Variants in DAGLB observed in about 807,000 individuals in gnomAD.
The protein encoded by DAGLB is diacylglycerol lipase-beta.
A neutral mutation model predicts 72.1 loss-of-function variants in DAGLB; 66 were observed. The ratio of observed to expected loss-of-function variants is 0.92; its 90% CI spans 0.75 to 1.12. DAGLB has a LOEUF of 1.12. Ranked by LOEUF, DAGLB falls within the 50% of genes most tolerant of loss-of-function variation. DAGLB has a pLI of 0.00. For synonymous variants in DAGLB, 414 were observed against 359.5 expected, an observed-to-expected ratio of 1.15 and a Z score of -1.71; for missense variants, 1,065 against 884.9, an observed-to-expected ratio of 1.20 and a Z score of -2.58.
At chr7:6,411,095 A>G (rs1583277567) in intron 13 of DAGLB, among the ~76,000 whole-genome samples, 1 of 151,762 alleles carries the variant, frequency 6.6e-6, no homozygotes, top group South Asian at 2.1e-4. Context: ...CGTGGTCTCT[A>G]TCTCCTGACC....
At chr7:6,423,060 T>C (rs1784183313) in intron 8 of DAGLB, among the ~76,000 whole-genome samples, 3 of 152,146 alleles carry the variant, frequency 2.0e-5, no homozygotes, top group African/African-American at 7.2e-5. Flanking sequence ...AAGACCAGCC[T>C]GGGCAACATA....
intron 6 of DAGLB, among the ~76,000 whole-genome samples, chr7:6,428,729 A>G (rs1304037818): frequency 6.6e-6 from 1 of 152,122 alleles, no homozygotes; most frequent in African/African-American, 2.4e-5. Flanking sequence ...TCAGGTGATC[A>G]GCCCGCCTTG....
intron 13 of DAGLB, among the ~76,000 whole-genome samples, chr7:6,411,917 G>A (rs1420179166): frequency 1.3e-5 from 2 of 151,262 alleles, no homozygotes; most frequent in East Asian, 1.9e-4. Flanking sequence ...TATCTTTATC[G>A]GCAGACAGAA....
At chr7:6,432,267 A>AC (rs1342089001) in intron 5 of DAGLB, among the ~76,000 whole-genome samples, 3 of 147,792 alleles carry the variant, frequency 2.0e-5, no homozygotes, top group African/African-American at 7.5e-5. Flanking sequence ...CAGGAGAATC[A>AC]CCCGGGAGGT....
At chr7:6,426,420 C>A (rs929495163) in intron 6 of DAGLB, among the ~76,000 whole-genome samples, 7 of 152,226 alleles carry the variant, frequency 4.6e-5, no homozygotes, top group African/African-American at 1.7e-4. Context: ...CATGCGTGCA[C>A]CTCCATGCCC....
chr7:6,432,307 G>T (rs1184286374), intron 5 of DAGLB, among the ~76,000 whole-genome samples: 1 of 151,398 alleles, frequency 6.6e-6, no homozygotes, highest in African/African-American at 2.4e-5. Flanking sequence ...TTGTGTCATT[G>T]CACTCCAGCC....
Position 6,410,334 on chromosome 7 carries a change from T to C in DAGLB, c.1616A>G (p.Asn539Ser). ...HGLWYELFGGNPNNLPTELDG... is the reference protein window; with the variant it reads ...HGLWYELFGGSPNNLPTELDG... Reference sequence around the variant, plus strand: ...CAGCTCCGTGGGCAAGTTGTTGGGGTTTCCTCCAAACAGTTCGTACCACAA... The same window carrying C: ...CAGCTCCGTGGGCAAGTTGTTGGGGCTTCCTCCAAACAGTTCGTACCACAA... Residue 539 changes from asparagine (N) to serine (S), a missense_variant, in exon 14 of 15, where the codon AAC becomes AGC. Coordinates refer to ENST00000297056, the MANE Select transcript of DAGLB (RefSeq NM_139179.4). The C allele has an allele frequency of 1.9e-6, 3 of 1,613,932 alleles. No homozygotes were observed. Among genetic ancestry groups the C allele is most frequent in the South Asian group, 2.2e-5 (2 of 91,046 alleles).
intron 8 of DAGLB, among the ~76,000 whole-genome samples, chr7:6,423,778 G>A (rs1286955268): frequency 6.6e-6 from 1 of 152,060 alleles, no homozygotes; most frequent in Non-Finnish European, 1.5e-5. Context: ...TAGTAGAGAC[G>A]GGGTTTCACC....
chr7:6,430,427 C>CT (rs35483754), intron 6 of DAGLB, 53 bp downstream of exon 6: 4,515 of 1,168,724 alleles, frequency 3.9e-3, no homozygotes, highest in South Asian at 9.9e-3. Flanking sequence ...CTCAAAATAG[C>CT]TTTTTTTTTT....
intron 5 of DAGLB, 45 bp downstream of exon 5, chr7:6,432,792 A>G: frequency 6.3e-7 from 1 of 1,586,174 alleles, no homozygotes; most frequent in African/African-American, 1.4e-5. Context: ...GACCCACCAA[A>G]AGGTGTAAGT....
chr7:6,410,342 A>C lies in DAGLB; in HGVS notation c.1608T>G (p.Phe536Leu), dbSNP rs748083947. 1.9e-6 allele frequency: 3 copies of C among 1,613,992 alleles called. No individual in the cohort carries two copies. Among genetic ancestry groups the C allele is most frequent in the Non-Finnish European group, 1.7e-6 (2 of 1,179,950 alleles). ...TGGGCAAGTTGTTGGGGTTTCCTCCAAACAGTTCGTACCACAAACCGTGCA... is the reference window on the plus strand; with the variant it reads ...TGGGCAAGTTGTTGGGGTTTCCTCCCAACAGTTCGTACCACAAACCGTGCA... ...ILLHGLWYEL[F>L]GGNPNNLPTE... The change falls in exon 14 of 15, where the codon TTT (phenylalanine) becomes TTG (leucine). Residue 536 changes from phenylalanine to leucine, a missense_variant. Coordinates refer to ENST00000297056, the MANE Select transcript of DAGLB (RefSeq NM_139179.4).
chr7:6,412,696 T>A (rs1225205258), intron 13 of DAGLB, 115 bp downstream of exon 13: 4 of 1,218,264 alleles, frequency 3.3e-6, no homozygotes, highest in Admixed American at 2.1e-5. Context: ...AAGGAGAACT[T>A]CCAGCAACAG....
At chr7:6,420,857 G>C (rs1784090907) in intron 9 of DAGLB, among the ~76,000 whole-genome samples, 1 of 152,204 alleles carries the variant, frequency 6.6e-6, no homozygotes, top group Non-Finnish European at 1.5e-5. Context: ...CTGTAAGCCT[G>C]GCACCGTGCC....
Position 6,410,373 on chromosome 7 carries a change from A to G in DAGLB, c.1577T>C (p.Ile526Thr). The G allele has an allele frequency of 6.2e-7, 1 of 1,610,448 alleles. No individual in the cohort carries two copies. Among genetic ancestry groups the G allele is most frequent in the Non-Finnish European group, 8.5e-7 (1 of 1,177,714 alleles). Reference protein sequence around the residue: ...VAHCNKPKYKILLHGLWYELF... With the variant: ...VAHCNKPKYKTLLHGLWYELF... ...TTCGTACCACAAACCGTGCAGCAAG[A>G]TCTTGTACTGAGGGCGAGACCCAAT... The change falls in exon 14 of 15, where the codon ATC becomes ACC. Residue 526 changes from isoleucine to threonine, a missense_variant. Physicochemically the swap from Ile to Thr is moderately conservative, Grantham distance 89. Transcript: ENST00000297056.
At chr7:6,420,278 A>G (rs536862053) in intron 9 of DAGLB, among the ~76,000 whole-genome samples, 20 of 152,158 alleles carry the variant, frequency 1.3e-4, no homozygotes, top group African/African-American at 4.8e-4. Context: ...CGTCTCTACT[A>G]AAAATACAAA....
chr7:6,422,039 G>A lies in DAGLB; in HGVS notation c.1141-235C>T, dbSNP rs528820349. 274 of 641,780 alleles carry A rather than the reference G, an allele frequency of 4.3e-4. 4 individuals carry two copies. Among genetic ancestry groups the A allele is most frequent in the African/African-American group, 4.1e-3 (230 of 55,568 alleles). 39.8% of individuals were successfully genotyped at this position (641,780 alleles called of 1,614,324 possible). On this transcript the variant is annotated intron_variant, in intron 8 of 14. Transcript: ENST00000297056. ...CGTGAAGGGTGGAGGGGACCATGGA[G>A]TGTGCCTAAGACACGCCCTGCGCCT...
In DAGLB at chr7:6,434,927, G is replaced by T. The variant is rs760467248; in HGVS notation, c.513C>A (p.Ser171Arg). The T allele has an allele frequency of 2.5e-6, 4 of 1,614,182 alleles. No homozygotes were observed. Among genetic ancestry groups the T allele is most frequent in the Middle Eastern group, 3.3e-4 (2 of 6,062 alleles). ...KMAPYSSAGP[S>R]HLDSHDSSQL... ...GGCTTGAATCATGACTATCCAGGTGGCTGGGGCCGGCAGAGGAATATGGAG... is the reference window on the plus strand; with the variant it reads ...GGCTTGAATCATGACTATCCAGGTGTCTGGGGCCGGCAGAGGAATATGGAG... The change falls in exon 4 of 15, where the codon AGC becomes AGA. Residue 171 changes from serine (S) to arginine (R), a missense_variant. Ser to Arg is a moderately radical substitution (Grantham distance 110). Transcript: ENST00000297056.
At chr7:6,424,708 C>A (rs763286165) in intron 8 of DAGLB, 44 bp downstream of exon 8, 1 of 1,599,586 alleles carries the variant, frequency 6.3e-7, no homozygotes, top group Non-Finnish European at 8.6e-7. Context: ...GGCTCCCGCT[C>A]CCGCACCCAC....
chr7:6,435,081 C>T, intron 3 of DAGLB, 61 bp from the exon 4 acceptor site: 1 of 1,584,876 alleles, frequency 6.3e-7, no homozygotes, highest in Non-Finnish European at 8.6e-7. Context: ...ACGCAGATGT[C>T]CGGGGTCCCT....
Sources: gnomAD v4.1 joint callset for allele counts (sites outside exome capture counted in the v4.1 genomes callset) on GRCh38, gnomAD v4.1.1 for gene constraint, MANE v1.5 for transcripts, NCBI Gene and HGNC (gene_info 2026-07-23, HGNC 2026-07-21) for gene names.